Variants in FOCAD observed in about 807,000 individuals in gnomAD.
FOCAD encodes the protein focadhesin.
FOCAD carries 198 observed loss-of-function variants against 225.6 expected under a neutral mutation model. The observed-to-expected ratio is 0.88, with a 90% CI of 0.78 to 0.99. FOCAD has a LOEUF of 0.99. Ranked by LOEUF, FOCAD falls within the 50% of genes least tolerant of loss-of-function variation. The pLI is 0.00. For missense variants in FOCAD, 2,713 were observed against 2,123.6 expected, an observed-to-expected ratio of 1.28 and a Z score of -5.46; for synonymous variants, 897 against 755.0, an observed-to-expected ratio of 1.19 and a Z score of -3.08.
At chr9:20,795,093 A>C (rs2131225529) in intron 11 of FOCAD, among the ~76,000 whole-genome samples, 1 of 152,256 alleles carries the variant, frequency 6.6e-6, no homozygotes, top group South Asian at 2.1e-4. Context: ...GCTAATTAAA[A>C]CATGGAAAGT....
chr9:20,856,869 G>T (rs1358446556), intron 15 of FOCAD, among the ~76,000 whole-genome samples: 1 of 151,894 alleles, frequency 6.6e-6, no homozygotes, highest in African/African-American at 2.4e-5. Flanking sequence ...GTATGTTCTT[G>T]GCACCTTTGT....
At chr9:20,720,994 G>A (rs1243021511) in intron 4 of FOCAD, among the ~76,000 whole-genome samples, 1 of 152,092 alleles carries the variant, frequency 6.6e-6, no homozygotes, top group Non-Finnish European at 1.5e-5. Context: ...TCTTCCCCCT[G>A]ATTTTTCAAA....
chr9:20,866,054 GGA>G, intron 17 of FOCAD, 78 bp downstream of exon 17: 1 of 1,210,126 alleles, frequency 8.3e-7, no homozygotes, highest in South Asian at 1.4e-5. Context: ...AAGACTCTTA[GGA>G]TAAAAAGTAC....
intron 21 of FOCAD, among the ~76,000 whole-genome samples, chr9:20,895,264 T>G (rs560072223): frequency 4.8e-4 from 73 of 152,140 alleles, no homozygotes; most frequent in African/African-American, 1.7e-3. Context: ...GTCCTCCAAC[T>G]TTGCTCTTCT....
At chr9:20,684,318 G>C (rs1297675216) in intron 1 of FOCAD, 25 bp downstream of exon 1, 1 of 152,246 alleles carries the variant, frequency 6.6e-6, no homozygotes, top group Non-Finnish European at 1.5e-5. Flanking sequence ...GCGGCGGGCT[G>C]CCACCGCTGC....
intron 2 of FOCAD, among the ~76,000 whole-genome samples, chr9:20,717,036 C>G (rs1825397541): frequency 6.6e-6 from 1 of 152,168 alleles, no homozygotes; most frequent in Admixed American, 6.5e-5. Flanking sequence ...TCCATGGGTG[C>G]TCAGTTCTTA....
chr9:20,886,091 G>C (rs1371006509), intron 21 of FOCAD, among the ~76,000 whole-genome samples: 2 of 152,022 alleles, frequency 1.3e-5, no homozygotes, highest in Non-Finnish European at 2.9e-5. Flanking sequence ...CACACCAATT[G>C]CCACCAGTTT....
At chr9:20,990,018 A>G in intron 41 of FOCAD, 105 bp from the exon 42 acceptor site, 1 of 1,356,196 alleles carries the variant, frequency 7.4e-7, no homozygotes, top group Non-Finnish European at 1.0e-6. Flanking sequence ...TGGTTGGGTG[A>G]AGGGGAAGAT....
chr9:20,774,219 A>T (rs1015084566), intron 8 of FOCAD, among the ~76,000 whole-genome samples: 1 of 152,122 alleles, frequency 6.6e-6, no homozygotes, highest in South Asian at 2.1e-4. Flanking sequence ...CCACTGCTTT[A>T]TGTGTTTCTC....
intron 11 of FOCAD, among the ~76,000 whole-genome samples, chr9:20,797,509 G>T (rs1018108083): frequency 1.4e-4 from 22 of 152,038 alleles, no homozygotes; most frequent in Admixed American, 3.3e-4. Flanking sequence ...GTGGTTTGTA[G>T]TTCTCCTTGA....
At chr9:20,931,346 C>G (rs1368877606) in intron 27 of FOCAD, among the ~76,000 whole-genome samples, 1 of 152,070 alleles carries the variant, frequency 6.6e-6, no homozygotes, top group Non-Finnish European at 1.5e-5. Flanking sequence ...TTGATAGCAT[C>G]CTCCTTCTAC....
chr9:20,800,527 C>T (rs1049802827), intron 11 of FOCAD, among the ~76,000 whole-genome samples: 10 of 152,138 alleles, frequency 6.6e-5, no homozygotes, highest in Non-Finnish European at 1.5e-4. Context: ...TCCCATATTT[C>T]TTGGAGGCTT....
chr9:20,954,578 G>A (rs1170048922), intron 35 of FOCAD, among the ~76,000 whole-genome samples: 4 of 152,144 alleles, frequency 2.6e-5, no homozygotes, highest in Admixed American at 2.0e-4. Context: ...TCGGTTGAAT[G>A]TAACATTTTT....
At chr9:20,811,467 A>G (rs1227141578) in intron 11 of FOCAD, among the ~76,000 whole-genome samples, 2 of 152,118 alleles carry the variant, frequency 1.3e-5, no homozygotes, top group African/African-American at 2.4e-5. Context: ...ATATATCACT[A>G]TAGAAAGATT....
At chr9:20,779,335 A>T (rs940957008) in intron 9 of FOCAD, among the ~76,000 whole-genome samples, 1 of 152,252 alleles carries the variant, frequency 6.6e-6, no homozygotes, top group African/African-American at 2.4e-5. Context: ...TGGCTTTTAC[A>T]TTGGTGCTGC....
chr9:20,958,598 A>G (rs192333717), intron 35 of FOCAD, among the ~76,000 whole-genome samples: 1 of 152,150 alleles, frequency 6.6e-6, no homozygotes, highest in Admixed American at 6.5e-5. Context: ...AACTATACTC[A>G]CCCTACAGTA....
intron 5 of FOCAD, among the ~76,000 whole-genome samples, chr9:20,741,651 A>T (rs1239286615): frequency 3.3e-5 from 5 of 149,998 alleles, no homozygotes; most frequent in Non-Finnish European, 7.4e-5. Context: ...TCTGCAGAGT[A>T]AAGCTTTCCA....
At chr9:20,989,306 G>A (rs7039491) in intron 41 of FOCAD, among the ~76,000 whole-genome samples, 142,248 of 152,298 alleles carry the variant, frequency 0.93, 66,723 homozygotes, top group East Asian at 1. Flanking sequence ...TTGAACTTGC[G>A]TGATCTGTCC....
chr9:20,917,461 G>A (rs1279994458), intron 24 of FOCAD, among the ~76,000 whole-genome samples: 1 of 152,106 alleles, frequency 6.6e-6, no homozygotes, highest in Non-Finnish European at 1.5e-5. Flanking sequence ...TCACTGCCTT[G>A]ATGCTTTTTA....
Sources: allele counts gnomAD v4.1 joint callset (sites outside exome capture counted in the v4.1 genomes callset), GRCh38; gene constraint gnomAD v4.1.1; transcripts MANE v1.5; gene names NCBI Gene and HGNC (gene_info 2026-07-23, HGNC 2026-07-21).